PHLDB2: variants seen among roughly 807,000 people sequenced by gnomAD.
The protein encoded by PHLDB2 is pleckstrin homology like domain family B member 2, also known as pleckstrin homology-like domain family B member 2.
Under a neutral mutation model 123.6 loss-of-function variants are expected in PHLDB2, and 71 were observed. That is an observed-to-expected ratio of 0.57 (90% CI 0.47 to 0.70). The LOEUF (loss-of-function observed/expected upper bound fraction) is 0.70, where lower values mean the gene tolerates loss of function less well. PHLDB2 is among the 30% of genes least tolerant of loss of function. The probability of loss-of-function intolerance (pLI) is 0.00; values close to 1 mark genes in which losing one functional copy is unlikely to be tolerated. For missense variants in PHLDB2, 1,446 were observed against 1,519.5 expected (o/e 0.95, Z 0.80); for synonymous variants, 547 against 541.6 (o/e 1.01, Z -0.14).
chr3:111,800,029 G>T, intron 1 of PHLDB2, among the ~76,000 whole-genome samples: 1 of 151,894 alleles, frequency 6.6e-6, no homozygotes. Flanking sequence ...TTTTGAGACA[G>T]AGTCTTACTC....
chr3:111,865,180 A>G (rs1013740604), intron 1 of PHLDB2, among the ~76,000 whole-genome samples: 2 of 152,222 alleles, frequency 1.3e-5, no homozygotes, highest in Non-Finnish European at 2.9e-5. Flanking sequence ...TGCTTACGTC[A>G]TTGCAGAAGT....
At chr3:111,858,460 T>TA (rs2064620574), upstream of PHLDB2, among the ~76,000 whole-genome samples, 1 of 152,156 alleles carries the variant, frequency 6.6e-6, no homozygotes, top group African/African-American at 2.4e-5. Context: ...TCCCAGAACT[T>TA]AAAGTATAAT....
intron 1 of PHLDB2, among the ~76,000 whole-genome samples, chr3:111,789,360 G>A (rs2060817995): frequency 6.6e-6 from 1 of 152,148 alleles, no homozygotes; most frequent in Non-Finnish European, 1.5e-5. Context: ...AACAATTAAG[G>A]AGGCACCACT....
intron 1 of PHLDB2, among the ~76,000 whole-genome samples, chr3:111,758,145 G>A (rs1482714790): frequency 2.0e-5 from 3 of 152,082 alleles, no homozygotes; most frequent in African/African-American, 7.2e-5. Context: ...TGTCAGACAG[G>A]GACATTTAAC....
chr3:111,867,407 T>C (rs1424386309), intron 1 of PHLDB2, among the ~76,000 whole-genome samples: 2 of 151,760 alleles, frequency 1.3e-5, no homozygotes, highest in African/African-American at 2.4e-5. Flanking sequence ...AAAATTTAAA[T>C]GTATACTAAA....
At chr3:111,931,536 T>A (rs2069148273) in intron 5 of PHLDB2, among the ~76,000 whole-genome samples, 1 of 152,228 alleles carries the variant, frequency 6.6e-6, no homozygotes, top group East Asian at 1.9e-4. Context: ...TGTTTCAGTT[T>A]ATTTTTATGT....
chr3:111,900,202 G>T (rs1289478584), intron 2 of PHLDB2, among the ~76,000 whole-genome samples: 1 of 152,212 alleles, frequency 6.6e-6, no homozygotes, highest in Non-Finnish European at 1.5e-5. Flanking sequence ...CTTTACATCA[G>T]CAGTAAGGCT....
intron 5 of PHLDB2, among the ~76,000 whole-genome samples, 183 bp downstream of exon 5, chr3:111,920,602 G>C (rs558227663): frequency 6.4e-4 from 97 of 152,274 alleles, no homozygotes; most frequent in Middle Eastern, 3.4e-3. Flanking sequence ...GCCAGGTACT[G>C]GGCAGCTGAT....
intron 10 of PHLDB2, among the ~76,000 whole-genome samples, chr3:111,951,225 A>G (rs1286601255): frequency 6.6e-6 from 1 of 152,178 alleles, no homozygotes; most frequent in African/African-American, 2.4e-5. Context: ...CATGAATTCT[A>G]GCTCTGCCGC....
intron 1 of PHLDB2, among the ~76,000 whole-genome samples, chr3:111,777,839 A>T (rs746708790): frequency 6.6e-6 from 1 of 152,112 alleles, no homozygotes; most frequent in Non-Finnish European, 1.5e-5. Context: ...TAAATCCTTC[A>T]ACTAGTTTTA....
At chr3:111,829,646 T>C (rs1341342492) in intron 1 of PHLDB2, among the ~76,000 whole-genome samples, 4 of 151,882 alleles carry the variant, frequency 2.6e-5, no homozygotes, top group Non-Finnish European at 5.9e-5. Flanking sequence ...GTAGTTTTAG[T>C]AGAGACGGGG....
intron 1 of PHLDB2, among the ~76,000 whole-genome samples, chr3:111,830,959 A>AAG (rs1559854964): frequency 3.6e-4 from 11 of 30,602 alleles, no homozygotes; most frequent in African/African-American, 1.4e-3. Context: ...AAGAAAGAGA[A>AAG]AGAAAGAAAG....
chr3:111,943,168 T>C (rs2070029825), intron 8 of PHLDB2, among the ~76,000 whole-genome samples: 3 of 152,110 alleles, frequency 2.0e-5, no homozygotes, highest in Admixed American at 1.3e-4. Context: ...TAAGGCAGGG[T>C]GGTACTGCCA....
At chr3:111,749,525 C>T (rs1362386601) in intron 1 of PHLDB2, among the ~76,000 whole-genome samples, 1 of 152,188 alleles carries the variant, frequency 6.6e-6, no homozygotes, top group Non-Finnish European at 1.5e-5. Context: ...GTCTCCTTTA[C>T]ATTTACAGTG....
rs945441973 is a variant in PHLDB2 at position 111,907,708 on chromosome 3, T to C, written c.1336-5611T>C. ...ACAGGGTTTAACCATATTAGGCTGG[T>C]CTAAAACTCCTGACCTCTGGTGATC... On this transcript the variant is annotated intron_variant, in intron 2 of 17. Transcript: ENST00000431670. Among the ~76,000 whole-genome samples, 9 of 152,220 alleles carry C rather than the reference T, an allele frequency of 5.9e-5. No individual in the cohort carries two copies. In the South Asian group the frequency reaches 8.3e-4, roughly 14 times the overall value.
upstream of PHLDB2, among the ~76,000 whole-genome samples, chr3:111,855,629 CTTTTTTTTTT>C (rs11368889): frequency 6.3e-5 from 5 of 79,840 alleles, no homozygotes; most frequent in Non-Finnish European, 6.5e-5. Context: ...CTGCATTTGT[CTTTTTTTTTT>C]TTTTTTTTTT....
At chr3:111,862,530 T>C (rs1335129369) in intron 1 of PHLDB2, among the ~76,000 whole-genome samples, 1 of 152,124 alleles carries the variant, frequency 6.6e-6, no homozygotes, top group Non-Finnish European at 1.5e-5. Flanking sequence ...GGGATGCGGT[T>C]AAGCACCCTG....
intron 1 of PHLDB2, among the ~76,000 whole-genome samples, chr3:111,750,827 T>G (rs1247460390): frequency 6.6e-6 from 1 of 151,240 alleles, no homozygotes; most frequent in Non-Finnish European, 1.5e-5. Flanking sequence ...ATGCCTATAA[T>G]CCCAGCTACT....
chr3:111,839,541 A>G (rs2063573500), intron 1 of PHLDB2, among the ~76,000 whole-genome samples: 1 of 152,254 alleles, frequency 6.6e-6, no homozygotes, highest in Non-Finnish European at 1.5e-5. Flanking sequence ...TTAAAAAGAT[A>G]AAGTTGATTT....
Sources: gnomAD v4.1 joint callset for allele counts (sites outside exome capture counted in the v4.1 genomes callset) on GRCh38, gnomAD v4.1.1 for gene constraint, MANE v1.5 for transcripts, NCBI Gene and HGNC (gene_info 2026-07-23, HGNC 2026-07-21) for gene names.